VAV3: variants seen among roughly 807,000 people sequenced by gnomAD.
VAV3 encodes guanine nucleotide exchange factor VAV3.
Under a neutral mutation model 131.2 loss-of-function variants are expected in VAV3, and 94 were observed. The ratio of observed to expected loss-of-function variants is 0.72; its 90% confidence interval spans 0.61 to 0.85. The LOEUF is 0.85. VAV3 is among the 40% of genes least tolerant of loss of function. VAV3 has a pLI of 0.00. For missense variants in VAV3, 939 were observed against 1,002.7 expected (o/e 0.94, Z 0.86); for synonymous variants, 349 against 342.0 (o/e 1.02, Z -0.22).
At chr1:107,744,623 G>T (rs1269279439) in intron 15 of VAV3, among the ~76,000 whole-genome samples, 8 of 152,030 alleles carry the variant, frequency 5.3e-5, no homozygotes, top group Admixed American at 5.2e-4. Context: ...GCCATTAAAA[G>T]TAATGGCAAA....
At chr1:107,694,597 G>C (rs982354852) in intron 17 of VAV3, among the ~76,000 whole-genome samples, 2 of 152,126 alleles carry the variant, frequency 1.3e-5, no homozygotes, top group African/African-American at 2.4e-5. Context: ...ACTCAGGTAA[G>C]GTTTTTATTC....
chr1:107,614,479 TAAA>T (rs141884557), intron 21 of VAV3, among the ~76,000 whole-genome samples: 1 of 149,524 alleles, frequency 6.7e-6, no homozygotes, highest in Non-Finnish European at 1.5e-5. Context: ...GCCCTATAAT[TAAA>T]AAAAAAATCT....
chr1:107,618,988 T>C (rs1276018349), intron 20 of VAV3, among the ~76,000 whole-genome samples: 1 of 152,112 alleles, frequency 6.6e-6, no homozygotes, highest in Non-Finnish European at 1.5e-5. Flanking sequence ...GTTGAGAATA[T>C]CACAAGGAAA....
chr1:107,772,643 A>T (rs1665113153), intron 5 of VAV3, 92 bp downstream of exon 5: 1 of 1,119,154 alleles, frequency 8.9e-7, no homozygotes, highest in African/African-American at 1.6e-5. Context: ...AGGTTAAAAA[A>T]AATCCCAGCA....
chr1:107,614,480 A>T (rs897192711), intron 21 of VAV3, among the ~76,000 whole-genome samples: 16 of 133,570 alleles, frequency 1.2e-4, no homozygotes, highest in Non-Finnish European at 2.1e-4. Context: ...CCCTATAATT[A>T]AAAAAAAAAT....
At chr1:107,907,161 C>T (rs548622481) in intron 1 of VAV3, among the ~76,000 whole-genome samples, 8 of 152,150 alleles carry the variant, frequency 5.3e-5, no homozygotes, top group Non-Finnish European at 1.2e-4. Flanking sequence ...ATGGACCACA[C>T]AATCGGACTC....
At chr1:107,939,449 T>C (rs1673879787) in intron 1 of VAV3, among the ~76,000 whole-genome samples, 1 of 152,226 alleles carries the variant, frequency 6.6e-6, no homozygotes. Context: ...TTTCTCGAAA[T>C]GCTGGACAGC....
At chr1:107,755,372 A>G (rs1190059864) in intron 12 of VAV3, 55 bp downstream of exon 12, 2 of 1,285,682 alleles carry the variant, frequency 1.6e-6, no homozygotes, top group Non-Finnish European at 2.3e-6. Context: ...AACAACTCCT[A>G]GAATGTCGTT....
At chr1:107,856,916 A>G (rs1486494187) in intron 2 of VAV3, among the ~76,000 whole-genome samples, 1 of 152,078 alleles carries the variant, frequency 6.6e-6, no homozygotes, top group African/African-American at 2.4e-5. Context: ...GTGTGTGCCT[A>G]TAGTCCTAGT....
chr1:107,847,437 G>A (rs966557603), intron 2 of VAV3, among the ~76,000 whole-genome samples: 14 of 151,916 alleles, frequency 9.2e-5, no homozygotes, highest in Non-Finnish European at 1.9e-4. Flanking sequence ...CAGAAATGAA[G>A]GAGATAGAGA....
intron 15 of VAV3, 64 bp from the exon 16 acceptor site, chr1:107,705,125 C>T: frequency 8.1e-7 from 1 of 1,233,020 alleles, no homozygotes; most frequent in Non-Finnish European, 1.2e-6. Context: ...ATTTAGTCAT[C>T]TAAACCCTAA....
intron 19 of VAV3, among the ~76,000 whole-genome samples, chr1:107,655,834 C>A (rs12405962): frequency 0.42 from 63,140 of 151,966 alleles, 14,199 homozygotes; most frequent in East Asian, 0.61. Context: ...TAGTCGTCAA[C>A]AGGTATATGA....
chr1:107,823,039 A>ACTTCCC (rs1398093751), intron 2 of VAV3, among the ~76,000 whole-genome samples: 6 of 152,198 alleles, frequency 3.9e-5, no homozygotes, highest in African/African-American at 1.4e-4. Flanking sequence ...GTGGGAATGG[A>ACTTCCC]TATTCAGAGT....
At chr1:107,702,313 G>A (rs1244555317) in intron 17 of VAV3, among the ~76,000 whole-genome samples, 1 of 152,126 alleles carries the variant, frequency 6.6e-6, no homozygotes, top group African/African-American at 2.4e-5. Context: ...GAAATCCCAT[G>A]ATCCAATCCC....
At chr1:107,690,739 T>C (rs1219185863) in intron 17 of VAV3, among the ~76,000 whole-genome samples, 1 of 152,168 alleles carries the variant, frequency 6.6e-6, no homozygotes, top group Non-Finnish European at 1.5e-5. Flanking sequence ...GAAAAGGGGC[T>C]TTGTGCTGGA....
intron 15 of VAV3, among the ~76,000 whole-genome samples, chr1:107,734,959 A>G (rs149167681): frequency 0.14 from 21,905 of 152,240 alleles, 1,747 homozygotes; most frequent in South Asian, 0.26. Flanking sequence ...AGTTGGAAGT[A>G]AAACACTCCT....
At chr1:107,646,961 C>T (rs535264087) in intron 19 of VAV3, among the ~76,000 whole-genome samples, 2 of 151,892 alleles carry the variant, frequency 1.3e-5, no homozygotes, top group African/African-American at 2.4e-5. Flanking sequence ...CCAAATGACA[C>T]ATGTGCTTTT....
chr1:107,763,274 G>GTCCT (rs1664542251), intron 9 of VAV3, among the ~76,000 whole-genome samples: 1 of 152,126 alleles, frequency 6.6e-6, no homozygotes, highest in African/African-American at 2.4e-5. Flanking sequence ...TCAGCCTGAT[G>GTCCT]TCCTCTCTTT....
chr1:107,864,772 G>C (rs1669903838), intron 2 of VAV3, among the ~76,000 whole-genome samples: 2 of 152,122 alleles, frequency 1.3e-5, no homozygotes, highest in South Asian at 4.2e-4. Context: ...TTCCTCAGTG[G>C]CACTTATCAC....
Sources: allele counts gnomAD v4.1 joint callset (sites outside exome capture counted in the v4.1 genomes callset), GRCh38; gene constraint gnomAD v4.1.1; transcripts MANE v1.5; gene names NCBI Gene and HGNC (gene_info 2026-07-23, HGNC 2026-07-21).